MPV17: variants seen among roughly 807,000 people sequenced by gnomAD.
MPV17 encodes mitochondrial inner membrane protein MPV17, also known as MPV17, mitochondrial inner membrane protein.
Under a neutral mutation model 28.6 loss-of-function variants are expected in MPV17, and 31 were observed. That is an observed-to-expected ratio of 1.08 (90% CI 0.81 to 1.46). The LOEUF (loss-of-function observed/expected upper bound fraction) is 1.46. Ranked by LOEUF, MPV17 falls within the 40% of genes most tolerant of loss-of-function variation. The pLI is 0.00. For missense variants in MPV17, 198 were observed against 216.2 expected (o/e 0.92, Z 0.53); for synonymous variants, 87 against 85.3 (o/e 1.02, Z -0.11).
In MPV17 at chr2:27,309,585, A is replaced by G. The variant is rs1168210668; in HGVS notation, c.*327T>C. ...AGCTGGAGCTACAAGAAGCCTAGGCAGGGTTAGAGTAACAAATGTGTCTAT... is the reference window on the plus strand; with the variant it reads ...AGCTGGAGCTACAAGAAGCCTAGGCGGGGTTAGAGTAACAAATGTGTCTAT... On this transcript the variant is annotated 3_prime_UTR_variant, in exon 8 of 8. Transcript: ENST00000380044. 3.6e-6 allele frequency: 2 copies of G among 548,696 alleles called. No homozygotes were observed. Among genetic ancestry groups the G allele is most frequent in the Admixed American group, 6.5e-5 (2 of 30,936 alleles). 34.0% of individuals were successfully genotyped at this position (548,696 alleles called of 1,614,324 possible). A position where few individuals can be genotyped will look rare whatever the true frequency, so the allele number is the denominator to read the frequency against.
chr2:27,312,850 A>C, intron 3 of MPV17, 78 bp from the exon 4 acceptor site: 1 of 1,550,174 alleles, frequency 6.5e-7, no homozygotes, highest in Non-Finnish European at 8.9e-7. Context: ...CCCTGCCCCA[A>C]GTATCAGAAT....
intron 3 of MPV17, 37 bp downstream of exon 3, chr2:27,312,957 T>A (rs553044146): frequency 1.2e-6 from 2 of 1,608,428 alleles, no homozygotes; most frequent in East Asian, 4.5e-5. Context: ...AAGACCACTG[T>A]TGAGTCCACT....
chr2:27,317,191 G>C lies in MPV17; in HGVS notation c.71-4082C>G. ...CAGGAGGCCTGGGTCGGCAGGTATAGCTACTGGCATGGGGCCAGCAGTGCT... is the reference window on the plus strand; with the variant it reads ...CAGGAGGCCTGGGTCGGCAGGTATACCTACTGGCATGGGGCCAGCAGTGCT... On this transcript the variant is annotated intron_variant, in intron 2 of 7. Transcript: ENST00000380044. The surrounding 1 kb of genome is among the most constrained non-coding windows in gnomAD (Gnocchi z 4.0). 3 of 1,550,392 alleles carry C rather than the reference G, an allele frequency of 1.9e-6. No homozygotes were observed. The highest frequency in any genetic ancestry group is 1.7e-6 in the Non-Finnish European group (2 of 1,146,916).
intron 2 of MPV17, among the ~76,000 whole-genome samples, chr2:27,313,725 T>C (rs1435424604): frequency 6.6e-6 from 1 of 152,154 alleles, no homozygotes; most frequent in East Asian, 1.9e-4. Context: ...ATAACTTTTT[T>C]TTTTAAAGAC....
In MPV17 at chr2:27,309,958, G is replaced by C. The variant is rs267607259; in HGVS notation, c.485C>G (p.Ala162Gly). The C allele has an allele frequency of 6.2e-7, 1 of 1,613,878 alleles. No individual in the cohort carries two copies. Among genetic ancestry groups the C allele is most frequent in the Non-Finnish European group, 8.5e-7 (1 of 1,179,882 alleles). The change falls in exon 8 of 8, where the codon GCT becomes GGT. Residue 162 changes from alanine (A) to glycine (G), a missense_variant. By Grantham distance (60) the Ala-to-Gly change is moderately conservative (BLOSUM62 0). Coordinates refer to ENST00000380044, the MANE Select transcript of MPV17 (RefSeq NM_002437.5). The stretch of plus-strand genomic sequence containing the variant: ...GGACAGGTAGGAGTTCCAGATAACA[G>C]CAACACATTGGACAACGGCCAACCT... ...HYRLAVVQCV[A>G]VIWNSYLSWK...
chr2:27,321,303 G>A (rs972141510), intron 2 of MPV17, among the ~76,000 whole-genome samples: 1 of 152,208 alleles, frequency 6.6e-6, no homozygotes, highest in Admixed American at 6.5e-5. Flanking sequence ...ACAGGCTGAC[G>A]GACGCTGAGG....
chr2:27,317,806 GAACA>G lies in MPV17; in HGVS notation c.70+4638_70+4641del, dbSNP rs66938613. Reference sequence around the variant, plus strand: ...GGATAAGGCTGACTCACACTCCATAGAACATACAGTAAACCTTTCCCCAGGCTAC... The same window carrying G: ...GGATAAGGCTGACTCACACTCCATAGTACAGTAAACCTTTCCCCAGGCTAC... On this transcript the variant is annotated intron_variant, in intron 2 of 7. Transcript: ENST00000380044. The surrounding 1 kb of genome is among the most constrained non-coding windows in gnomAD (Gnocchi z 4.0). Among the ~76,000 whole-genome samples the G allele has an allele frequency of 1.3e-5, 2 of 152,208 alleles. No homozygotes were observed. The highest frequency in any genetic ancestry group is 2.9e-5 in the Non-Finnish European group (2 of 68,034).
chr2:27,311,720 G>T, intron 7 of MPV17, 179 bp downstream of exon 7: 1 of 1,551,832 alleles, frequency 6.4e-7, no homozygotes, highest in Non-Finnish European at 8.7e-7. Context: ...CTCTGGGACA[G>T]TTTCCGGAAA....
intron 1 of MPV17, 44 bp from the exon 2 acceptor site, chr2:27,322,566 C>G (rs368250170): frequency 6.5e-7 from 1 of 1,547,886 alleles, no homozygotes; most frequent in African/African-American, 1.4e-5. Flanking sequence ...CCGTCCCTCT[C>G]CACGACTAAG....
chr2:27,316,706 T>G (rs1391288779), intron 2 of MPV17: 4 of 227,774 alleles, frequency 1.8e-5, no homozygotes, highest in East Asian at 2.2e-4. Context: ...GACTCTCCAG[T>G]GCTCTGGGCC....
intron 2 of MPV17, among the ~76,000 whole-genome samples, chr2:27,319,365 C>G (rs956334812): frequency 1.3e-5 from 2 of 150,062 alleles, no homozygotes; most frequent in Admixed American, 1.3e-4. Context: ...TACCAAAAAA[C>G]AAAAGAAATT....
chr2:27,313,298 CAT>C (rs1679531577), intron 2 of MPV17, 189 bp from the exon 3 acceptor site: 1 of 1,321,630 alleles, frequency 7.6e-7, no homozygotes, highest in South Asian at 1.4e-5. Flanking sequence ...GGTGACACCT[CAT>C]GTGTATTCTG....
In MPV17 at chr2:27,312,499, G is replaced by A. The variant is rs863224074; in HGVS notation, c.370C>T (p.Gln124Ter). 3 of 1,613,940 alleles carry A rather than the reference G, an allele frequency of 1.9e-6. No homozygotes were observed. Among genetic ancestry groups the A allele is most frequent in the South Asian group, 1.1e-5 (1 of 91,084 alleles). ...TCCACACCTGCCCAGCTCACCCGCTGTAGTTTGGCCCAGTTGTCCTGGGCT... is the reference window on the plus strand; with the variant it reads ...TCCACACCTGCCCAGCTCACCCGCTATAGTTTGGCCCAGTTGTCCTGGGCT... ...LSAQDNWAKL[Q>*]RDYPDALITN... The change falls in exon 5 of 8, where the codon CAG becomes TAG. Residue 124 changes from glutamine to a stop codon, truncating the protein, a stop_gained. Coordinates refer to ENST00000380044, the MANE Select transcript of MPV17 (RefSeq NM_002437.5). LOFTEE classifies it high-confidence loss of function.
chr2:27,311,318 C>T (rs1572541068), intron 7 of MPV17: 1 of 442,756 alleles, frequency 2.3e-6, no homozygotes, highest in East Asian at 4.3e-5. Flanking sequence ...GCCTCAGCCT[C>T]CCAAAGTGCT....
chr2:27,312,914 A>G (rs1679508923), intron 3 of MPV17, 80 bp downstream of exon 3: 1 of 1,560,290 alleles, frequency 6.4e-7, no homozygotes, highest in Non-Finnish European at 8.8e-7. Context: ...TAGGTGTGAG[A>G]GTCCAAGGGA....
In MPV17 at chr2:27,317,486, A is replaced by AG. The variant is rs1679698157; in HGVS notation, c.71-4378dup. Among the ~76,000 whole-genome samples, 1 of 152,192 alleles carries AG rather than the reference A, an allele frequency of 6.6e-6. No individual in the cohort carries two copies. The highest frequency in any genetic ancestry group is 1.5e-5 in the Non-Finnish European group (1 of 68,026). ...GGAGGCTCCAGTAGTCTCAAGTGCA[A>AG]GGCAGTATGGTGGGCAGTGCCCTAG... is the stretch of plus-strand genomic sequence containing the variant. On this transcript the variant is annotated intron_variant, in intron 2 of 7. Coordinates refer to ENST00000380044, the MANE Select transcript of MPV17 (RefSeq NM_002437.5). This position sits in a 1 kb window ranked among gnomAD's most constrained non-coding sequence, Gnocchi z 4.0.
chr2:27,311,781 C>T (rs963527916), intron 7 of MPV17, 118 bp downstream of exon 7: 60 of 1,558,680 alleles, frequency 3.8e-5, no homozygotes, highest in African/African-American at 6.7e-5. Flanking sequence ...ACTCTGATCA[C>T]GGCTCAGTGT....
At chr2:27,313,798 T>C (rs1679548939) in intron 2 of MPV17, among the ~76,000 whole-genome samples, 2 of 152,150 alleles carry the variant, frequency 1.3e-5, no homozygotes, top group African/African-American at 4.8e-5. Flanking sequence ...CTGCAACCTC[T>C]GCCTCCCGAT....
intron 2 of MPV17, among the ~76,000 whole-genome samples, chr2:27,316,557 T>C (rs1679660939): frequency 1.3e-5 from 2 of 152,212 alleles, no homozygotes; most frequent in South Asian, 2.1e-4. Flanking sequence ...CAAGCCTGCT[T>C]TTCCAGCCCA....
Sources: allele counts gnomAD v4.1 joint callset (sites outside exome capture counted in the v4.1 genomes callset), GRCh38; gene constraint gnomAD v4.1.1; non-coding constraint Gnocchi (gnomAD v3.1); transcripts MANE v1.5; gene names NCBI Gene and HGNC (gene_info 2026-07-23, HGNC 2026-07-21).